Variants in TLN2 observed in about 807,000 individuals in gnomAD.
TLN2 encodes the protein talin-2.
A neutral mutation model predicts 294.7 loss-of-function variants in TLN2; 118 were observed. That is an observed-to-expected ratio of 0.40 (90% CI 0.34 to 0.47). The LOEUF (loss-of-function observed/expected upper bound fraction) is 0.47, where lower values mean the gene tolerates loss of function less well. Ranked by LOEUF, TLN2 falls within the 20% of genes least tolerant of loss-of-function variation. The pLI is 0.84. For synonymous variants in TLN2, 1,431 were observed against 1,304.5 expected (o/e 1.10, Z -2.09); for missense variants, 3,083 against 3,282.2 (o/e 0.94, Z 1.48).
chr15:62,418,580 CAGGCTTTGTGTGAGCAACA>C (rs1180355473), intron 1 of TLN2, among the ~76,000 whole-genome samples: 1 of 152,170 alleles, frequency 6.6e-6, no homozygotes, highest in Admixed American at 6.5e-5. Context: ...GAACACCAAA[CAGGCTTTGTGTGAGCAACA>C]AGGCTGTTTA....
At chr15:62,524,208 C>A (rs2040612241) in intron 1 of TLN2, among the ~76,000 whole-genome samples, 1 of 152,186 alleles carries the variant, frequency 6.6e-6, no homozygotes, top group African/African-American at 2.4e-5. Flanking sequence ...ATAACATAGC[C>A]TTTTCAATGC....
intron 1 of TLN2, among the ~76,000 whole-genome samples, chr15:62,535,543 G>A (rs1007725033): frequency 6.7e-6 from 1 of 149,510 alleles, no homozygotes; most frequent in Admixed American, 6.8e-5. Flanking sequence ...GTAGTATTGG[G>A]TTAGATAACT....
chr15:62,615,003 A>C (rs1293756937), intron 2 of TLN2, among the ~76,000 whole-genome samples: 3 of 151,182 alleles, frequency 2.0e-5, no homozygotes, highest in South Asian at 2.1e-4. Context: ...ATGGGGTTTC[A>C]CCATGTTGGC....
intron 9 of TLN2, among the ~76,000 whole-genome samples, chr15:62,673,072 T>TTGTGTGTGTG (rs60589441): frequency 0.026 from 3,733 of 144,860 alleles, 89 homozygotes; most frequent in East Asian, 0.093. Flanking sequence ...CCTAATTTAA[T>TTGTGTGTGTG]TGTGTGTGTG....
chr15:62,752,290 C>T lies in TLN2; in HGVS notation c.4210-15C>T, dbSNP rs374240512. The T allele has an allele frequency of 6.2e-7, 1 of 1,613,232 alleles. No homozygotes were observed. Among genetic ancestry groups the T allele is most frequent in the Non-Finnish European group, 8.5e-7 (1 of 1,179,634 alleles). Reference sequence around the variant, plus strand: ...AATGCTGGATAGAGAATGTTGCTGGCCGTTTGTTTTGCAGGTTCTGGGTGA... The same window carrying T: ...AATGCTGGATAGAGAATGTTGCTGGTCGTTTGTTTTGCAGGTTCTGGGTGA... On this transcript the variant is annotated splice_polypyrimidine_tract_variant and intron_variant, in intron 34 of 58. Transcript: ENST00000636159.
rs202119523 is a variant in TLN2, at chr15:62,476,935, TTC to T, written c.-238+86252_-238+86253del. Among the ~76,000 whole-genome samples the T allele has an allele frequency of 9.5e-3, 1,443 of 152,332 alleles. 29 individuals are homozygous for T. The highest frequency in any genetic ancestry group is 0.032 in the African/African-American group (1,321 of 41,578). The stretch of plus-strand genomic sequence containing the variant: ...CTCCATCCCCAGGTATGCATCCTCT[TTC>T]TGTCTCTGATCCTTCCGTGTGTCTG... On this transcript the variant is annotated intron_variant, in intron 1 of 58. Coordinates refer to ENST00000636159, the MANE Select transcript of TLN2 (RefSeq NM_015059.3).
At chr15:62,489,121 G>T (rs553525392) in intron 1 of TLN2, among the ~76,000 whole-genome samples, 2 of 152,092 alleles carry the variant, frequency 1.3e-5, no homozygotes, top group African/African-American at 2.4e-5. Flanking sequence ...AGATTGTGCC[G>T]CTGCACTCCA....
At chr15:62,463,296 A>G (rs1320866275) in intron 1 of TLN2, among the ~76,000 whole-genome samples, 1 of 152,176 alleles carries the variant, frequency 6.6e-6, no homozygotes, top group African/African-American at 2.4e-5. Flanking sequence ...TCCTCCCTTC[A>G]AAAGTCAAAC....
chr15:62,522,407 G>C (rs1454132661), intron 1 of TLN2, among the ~76,000 whole-genome samples: 1 of 152,116 alleles, frequency 6.6e-6, no homozygotes, highest in African/African-American at 2.4e-5. Flanking sequence ...TAAAGTTTTG[G>C]CTGTGGTGGT....
intron 51 of TLN2, among the ~76,000 whole-genome samples, chr15:62,806,600 A>G (rs976459428): frequency 6.6e-6 from 1 of 152,182 alleles, no homozygotes; most frequent in Non-Finnish European, 1.5e-5. Context: ...TCTGTTCCTT[A>G]GGTAGATAGT....
chr15:62,792,662 C>G lies in TLN2; in HGVS notation c.5758C>G (p.Arg1920Gly), dbSNP rs745389212. The G allele has an allele frequency of 1.2e-6, 2 of 1,613,580 alleles. No individual in the cohort carries two copies. Among genetic ancestry groups the G allele is most frequent in the East Asian group, 2.2e-5 (1 of 44,888 alleles). Residue 1920 changes from arginine to glycine, a missense_variant, in exon 46 of 59, where the codon CGT (arginine) becomes GGT (glycine). Arg to Gly is a moderately radical substitution (Grantham distance 125). Transcript: ENST00000636159. ...PEEIGFQIRT[R>G]VQDLGHGCIF... Reference sequence around the variant, plus strand: ...GCAGATCGGATTCCAGATTCGCACTCGTGTGCAGGACCTGGGCCACGGCTG... The same window carrying G: ...GCAGATCGGATTCCAGATTCGCACTGGTGTGCAGGACCTGGGCCACGGCTG...
chr15:62,440,488 A>G (rs1312927281), intron 1 of TLN2, among the ~76,000 whole-genome samples: 1 of 152,162 alleles, frequency 6.6e-6, no homozygotes, highest in Non-Finnish European at 1.5e-5. Flanking sequence ...CAAATGGCAG[A>G]GCATTTTTTC....
intron 1 of TLN2, among the ~76,000 whole-genome samples, chr15:62,470,233 G>A (rs1372597023): frequency 2.0e-5 from 3 of 152,144 alleles, no homozygotes; most frequent in Non-Finnish European, 2.9e-5. Context: ...GGACCCATTC[G>A]GGAGGATGGC....
At chr15:62,654,982 C>T (rs1208832009) in intron 7 of TLN2, among the ~76,000 whole-genome samples, 2 of 151,812 alleles carry the variant, frequency 1.3e-5, no homozygotes, top group Non-Finnish European at 2.9e-5. Context: ...TGTATTTGTT[C>T]TTGTGGCTGT....
intron 33 of TLN2, 40 bp downstream of exon 33, chr15:62,748,484 AGTGTCTGTGTCTGT>A (rs2061735969): frequency 6.8e-7 from 1 of 1,473,946 alleles, no homozygotes; most frequent in Non-Finnish European, 9.5e-7. Context: ...TGAGAGAGGG[AGTGTCTGTGTCTGT>A]GTGTCTGTGT....
chr15:62,498,580 C>G (rs138121190), intron 1 of TLN2, among the ~76,000 whole-genome samples: 1 of 152,266 alleles, frequency 6.6e-6, no homozygotes, highest in East Asian at 1.9e-4. Context: ...AAATAACATG[C>G]TTCTGTATCG....
At chr15:62,697,190 C>T (rs889194957) in intron 14 of TLN2, among the ~76,000 whole-genome samples, 2 of 152,116 alleles carry the variant, frequency 1.3e-5, no homozygotes, top group Non-Finnish European at 2.9e-5. Context: ...TCACTGCAGC[C>T]TCAGGCTCCT....
intron 9 of TLN2, among the ~76,000 whole-genome samples, chr15:62,666,469 T>G (rs988190835): frequency 1.3e-5 from 2 of 152,228 alleles, no homozygotes; most frequent in East Asian, 3.8e-4. Flanking sequence ...CAGCTGAACC[T>G]GCCAGTGCCT....
chr15:62,697,846 A>G lies in TLN2; in HGVS notation c.1451A>G (p.His484Arg), dbSNP rs752041573. Residue 484 changes from histidine (H) to arginine (R), a missense_variant, in exon 15 of 59, where the codon CAC becomes CGC. Coordinates refer to ENST00000636159, the MANE Select transcript of TLN2 (RefSeq NM_015059.3). The stretch of plus-strand genomic sequence containing the variant: ...CAGCAGGTCATGGTTGGGCAGATGC[A>G]CCGAGGCCACATGCCGCCACTGGTG... ...PQQQVMVGQM[H>R]RGHMPPLTSA... 3 of 1,612,472 alleles carry G rather than the reference A, an allele frequency of 1.9e-6. No individual in the cohort carries two copies. The East Asian group carries it at 6.7e-5, about 36-fold the overall frequency.
Sources: gnomAD v4.1 joint callset for allele counts (sites outside exome capture counted in the v4.1 genomes callset) on GRCh38, gnomAD v4.1.1 for gene constraint, MANE v1.5 for transcripts, NCBI Gene and HGNC (gene_info 2026-07-23, HGNC 2026-07-21) for gene names.